DNAH6: variants seen among roughly 807,000 people sequenced by gnomAD.
DNAH6 encodes axonemal beta dynein heavy chain 6.
DNAH6 carries 340 observed loss-of-function variants against 491.4 expected under a neutral mutation model. That is an observed-to-expected ratio of 0.69 (90% CI 0.63 to 0.76). DNAH6 has a LOEUF of 0.76. Ranked by LOEUF, DNAH6 falls within the 30% of genes least tolerant of loss-of-function variation. The pLI, the probability that DNAH6 is intolerant of heterozygous loss-of-function variation, is 0.00. For synonymous variants in DNAH6, 1,603 were observed against 1,686.1 expected, an observed-to-expected ratio of 0.95 and a Z score of 1.21; for missense variants, 4,443 against 4,972.2, an observed-to-expected ratio of 0.89 and a Z score of 3.20.
At chr2:84,664,439 G>A (rs187081409) in intron 37 of DNAH6, among the ~76,000 whole-genome samples, 1 of 151,948 alleles carries the variant, frequency 6.6e-6, no homozygotes, top group Non-Finnish European at 1.5e-5. Flanking sequence ...AAAAAAGCAG[G>A]GGTTGCAATC....
intron 4 of DNAH6, among the ~76,000 whole-genome samples, chr2:84,543,733 A>T (rs747891774): frequency 5.9e-5 from 9 of 152,160 alleles, no homozygotes; most frequent in Non-Finnish European, 1.2e-4. Context: ...AGATATTATG[A>T]ACTAAACAAT....
chr2:84,687,895 G>A (rs1398642490), intron 44 of DNAH6, among the ~76,000 whole-genome samples: 1 of 152,164 alleles, frequency 6.6e-6, no homozygotes, highest in Non-Finnish European at 1.5e-5. Context: ...GCCATGCATA[G>A]TTTTTAACCA....
At chr2:84,561,829 A>T (rs1329000757) in intron 11 of DNAH6, among the ~76,000 whole-genome samples, 1 of 152,238 alleles carries the variant, frequency 6.6e-6, no homozygotes, top group Non-Finnish European at 1.5e-5. Context: ...ATGCAAATCA[A>T]AACCACAATG....
At chr2:84,704,940 C>G (rs905511692) in intron 51 of DNAH6, among the ~76,000 whole-genome samples, 4 of 152,096 alleles carry the variant, frequency 2.6e-5, no homozygotes, top group Non-Finnish European at 4.4e-5. Flanking sequence ...TCCCACTGAC[C>G]CTTAAACTGG....
intron 37 of DNAH6, among the ~76,000 whole-genome samples, chr2:84,667,511 C>T (rs960067779): frequency 9.2e-5 from 14 of 152,202 alleles, no homozygotes; most frequent in Non-Finnish European, 1.8e-4. Flanking sequence ...TGGTCATCAT[C>T]ACTGGCCATC....
chr2:84,763,968 TAGTC>T (rs970299569), intron 64 of DNAH6, among the ~76,000 whole-genome samples: 37 of 152,280 alleles, frequency 2.4e-4, no homozygotes, highest in African/African-American at 8.4e-4. Flanking sequence ...TCCTGCTTAA[TAGTC>T]AGGCAGGAGA....
At chr2:84,819,026 A>G (rs1166063201) in intron 76 of DNAH6, among the ~76,000 whole-genome samples, 1 of 152,160 alleles carries the variant, frequency 6.6e-6, no homozygotes, top group Non-Finnish European at 1.5e-5. Flanking sequence ...GCAAGCTGAG[A>G]TCACGCCACT....
At chr2:84,506,525 T>A in the DNAH6 span, among the ~76,000 whole-genome samples, 2 of 152,244 alleles carry the variant, frequency 1.3e-5, no homozygotes, top group Non-Finnish European at 2.9e-5. Flanking sequence ...GGTTGCCTGT[T>A]CACTCTGATG....
At chr2:84,568,039 C>T (rs555491659) in intron 11 of DNAH6, among the ~76,000 whole-genome samples, 2 of 152,224 alleles carry the variant, frequency 1.3e-5, no homozygotes, top group South Asian at 4.1e-4. Context: ...GATACCATCT[C>T]ACACAGTCAG....
chr2:84,505,765 G>A, the DNAH6 span, among the ~76,000 whole-genome samples: 32 of 152,030 alleles, frequency 2.1e-4, no homozygotes, highest in African/African-American at 7.7e-4. Context: ...GTGTCCGTGT[G>A]TTCTCATTGT....
chr2:84,519,351 T>G (rs997320403), intron 2 of DNAH6, among the ~76,000 whole-genome samples: 1 of 152,076 alleles, frequency 6.6e-6, no homozygotes, highest in Non-Finnish European at 1.5e-5. Context: ...TGTTATATAC[T>G]AACATAACTT....
chr2:84,584,053 G>C lies in DNAH6; in HGVS notation c.2284G>C (p.Glu762Gln), dbSNP rs1163300844. ...AGTGACTCAAATGTACAAGCTTATG[G>C]AACAATATCAGGTGCCCACACCTCC... ...NIVTQMYKLM[E>Q]QYQVPTPPED... The change falls in exon 15 of 77, where the codon GAA becomes CAA. Residue 762 changes from glutamate (E) to glutamine (Q), a missense_variant. Physicochemically the swap from Glu to Gln is conservative, Grantham distance 29 (BLOSUM62 2). This residue lies in a region of DNAH6 where 2,977 missense variants were observed against 3,296.6 expected (regional missense o/e 0.90). Coordinates refer to ENST00000389394, the MANE Select transcript of DNAH6 (RefSeq NM_001370.2). The C allele has an allele frequency of 1.2e-6, 2 of 1,613,980 alleles. No homozygotes were observed. The highest frequency in any genetic ancestry group is 1.3e-5 in the African/African-American group (1 of 74,902).
chr2:84,733,160 C>A (rs6713401), intron 61 of DNAH6, among the ~76,000 whole-genome samples: 1 of 152,088 alleles, frequency 6.6e-6, no homozygotes, highest in Non-Finnish European at 1.5e-5. Flanking sequence ...GGGGAAAGAT[C>A]GATGTTGGGT....
intron 10 of DNAH6, among the ~76,000 whole-genome samples, chr2:84,554,541 C>T (rs1420084474): frequency 1.3e-5 from 2 of 152,188 alleles, no homozygotes; most frequent in Non-Finnish European, 2.9e-5. Flanking sequence ...CCTGCCTTTA[C>T]AATTAATAAG....
chr2:84,787,708 C>T (rs979441591), intron 68 of DNAH6, among the ~76,000 whole-genome samples: 1 of 152,172 alleles, frequency 6.6e-6, no homozygotes, highest in African/African-American at 2.4e-5. Context: ...TGAACCCAAA[C>T]AGTGTAGCCT....
intron 64 of DNAH6, among the ~76,000 whole-genome samples, chr2:84,763,858 G>A (rs1674826812): frequency 6.6e-6 from 1 of 151,986 alleles, no homozygotes; most frequent in Admixed American, 6.6e-5. Context: ...AGAGCCAGGA[G>A]AGCTGATGGT....
At chr2:84,523,407 C>A (rs1048441683) in intron 2 of DNAH6, among the ~76,000 whole-genome samples, 1 of 151,914 alleles carries the variant, frequency 6.6e-6, no homozygotes, top group African/African-American at 2.4e-5. Flanking sequence ...AAAAAACCAA[C>A]TCCTGGATTT....
At chr2:84,581,104 G>C (rs1049263657) in intron 14 of DNAH6, among the ~76,000 whole-genome samples, 14 of 152,154 alleles carry the variant, frequency 9.2e-5, no homozygotes, top group African/African-American at 3.4e-4. Context: ...GATTCTAAAG[G>C]CCTAGTAAAT....
chr2:84,713,591 C>T (rs560498237), intron 57 of DNAH6, among the ~76,000 whole-genome samples: 2 of 152,372 alleles, frequency 1.3e-5, no homozygotes, highest in Admixed American at 6.5e-5. Flanking sequence ...AAACATAGGG[C>T]ATCCCCCTTT....
Sources: allele counts gnomAD v4.1 joint callset (sites outside exome capture counted in the v4.1 genomes callset), GRCh38; gene constraint gnomAD v4.1.1; regional missense constraint gnomAD v4.1.1; transcripts MANE v1.5; gene names NCBI Gene and HGNC (gene_info 2026-07-23, HGNC 2026-07-21).